Variants in EYA2 observed in about 807,000 individuals in gnomAD.
EYA2 encodes the protein EYA transcriptional coactivator and phosphatase 2.
EYA2 carries 31 observed loss-of-function variants against 69.2 expected under a neutral mutation model. That is an observed-to-expected ratio of 0.45 (90% CI 0.34 to 0.60). The LOEUF is 0.60. Among genes scored for constraint, EYA2 ranks in the 20% least tolerant of loss-of-function variants. EYA2 has a pLI of 0.02. For missense variants in EYA2, 622 were observed against 701.2 expected, an observed-to-expected ratio of 0.89 and a Z score of 1.28; for synonymous variants, 257 against 279.4, an observed-to-expected ratio of 0.92 and a Z score of 0.80.
At chr20:47,144,085 C>T (rs1240421311) in intron 10 of EYA2, among the ~76,000 whole-genome samples, 3 of 152,196 alleles carry the variant, frequency 2.0e-5, no homozygotes, top group African/African-American at 7.2e-5. Context: ...CGGCCGGGCG[C>T]GGTGGCTCAC....
intron 1 of EYA2, among the ~76,000 whole-genome samples, chr20:46,983,163 A>T (rs550706541): frequency 8.0e-5 from 12 of 150,938 alleles, no homozygotes; most frequent in African/African-American, 2.4e-4. Flanking sequence ...GTTGCTAGGG[A>T]CTCCGTGTTT....
chr20:46,930,273 T>C (rs1161463646), intron 1 of EYA2, among the ~76,000 whole-genome samples: 4 of 152,198 alleles, frequency 2.6e-5, no homozygotes, highest in Non-Finnish European at 4.4e-5. Context: ...ACTAAAACTT[T>C]TAAAAAATAA....
At chr20:47,077,696 T>C (rs1410456814) in intron 7 of EYA2, among the ~76,000 whole-genome samples, 1 of 152,218 alleles carries the variant, frequency 6.6e-6, no homozygotes, top group African/African-American at 2.4e-5. Flanking sequence ...TTAAATAAAG[T>C]CAACTTTTTA....
At chr20:47,104,663 C>T (rs1299342526) in intron 9 of EYA2, among the ~76,000 whole-genome samples, 1 of 152,176 alleles carries the variant, frequency 6.6e-6, no homozygotes, top group Non-Finnish European at 1.5e-5. Context: ...ATCAAGTCGT[C>T]CCAGTAGCAT....
At chr20:46,959,229 A>G (rs1165501049) in intron 1 of EYA2, among the ~76,000 whole-genome samples, 1 of 152,216 alleles carries the variant, frequency 6.6e-6, no homozygotes, top group Non-Finnish European at 1.5e-5. Flanking sequence ...CTGAGTCACA[A>G]AGACCTTTCT....
chr20:46,973,872 T>TA (rs573852777), intron 1 of EYA2, among the ~76,000 whole-genome samples: 6 of 152,164 alleles, frequency 3.9e-5, no homozygotes, highest in African/African-American at 1.4e-4. Context: ...AAAACATTTT[T>TA]AAAAAAACTC....
intron 1 of EYA2, among the ~76,000 whole-genome samples, chr20:46,933,483 T>C (rs1221666699): frequency 3.9e-5 from 6 of 152,198 alleles, no homozygotes; most frequent in African/African-American, 1.4e-4. Flanking sequence ...CAGGTTGGTG[T>C]TGGCTCCCAC....
At chr20:46,922,208 T>TG (rs1401880865) in intron 1 of EYA2, among the ~76,000 whole-genome samples, 1 of 151,874 alleles carries the variant, frequency 6.6e-6, no homozygotes, top group Admixed American at 6.6e-5. Context: ...AGGACAGGAG[T>TG]GCTAATTGAT....
intron 5 of EYA2, among the ~76,000 whole-genome samples, chr20:47,049,577 C>G (rs911355343): frequency 7.4e-5 from 11 of 149,084 alleles, no homozygotes; most frequent in Admixed American, 2.0e-4. Flanking sequence ...CTCTCTTGCT[C>G]TGTCTCGTCG....
rs753001111 is a variant in EYA2 at position 47,169,181 on chromosome 20, A to G, written c.1021A>G (p.Asn341Asp). ...IHVDDVSSDDNGQDLSTYNFS... is the reference protein window; with the variant it reads ...IHVDDVSSDDDGQDLSTYNFS... Reference sequence around the variant, plus strand: ...CGTTGATGACGTCTCATCAGATGACAATGGCCAAGATTTAAGGTGGGAATT... The same window carrying G: ...CGTTGATGACGTCTCATCAGATGACGATGGCCAAGATTTAAGGTGGGAATT... Residue 341 changes from asparagine to aspartate, a missense_variant, in exon 11 of 16, where the codon AAT (asparagine) becomes GAT (aspartate). Physicochemically the swap from Asn to Asp is conservative, Grantham distance 23. This residue lies in a region of EYA2 where 257 missense variants were observed against 351.5 expected (regional missense o/e 0.73). Coordinates refer to ENST00000327619, the MANE Select transcript of EYA2 (RefSeq NM_005244.5). 4.3e-6 allele frequency: 7 copies of G among 1,613,892 alleles called. No homozygotes were observed. The highest frequency in any genetic ancestry group is 1.7e-5 in the Admixed American group (1 of 60,008).
chr20:46,937,765 G>A (rs912545176), intron 1 of EYA2, among the ~76,000 whole-genome samples: 5 of 150,778 alleles, frequency 3.3e-5, no homozygotes, highest in African/African-American at 1.2e-4. Flanking sequence ...TTAGCTAACA[G>A]AGGAACTTTT....
chr20:47,058,239 C>A (rs1329457949), intron 5 of EYA2, among the ~76,000 whole-genome samples: 1 of 152,218 alleles, frequency 6.6e-6, no homozygotes, highest in Non-Finnish European at 1.5e-5. Context: ...AGACTAAAGA[C>A]AACGAATGAG....
intron 1 of EYA2, among the ~76,000 whole-genome samples, chr20:46,984,667 G>A (rs1981068907): frequency 6.6e-6 from 1 of 152,216 alleles, no homozygotes; most frequent in Non-Finnish European, 1.5e-5. Context: ...ATGAAGAACA[G>A]TCTGCTAGTA....
rs117533107 is a variant in EYA2, at chr20:46,967,195, T to G, written c.-10-22806T>G. Among the ~76,000 whole-genome samples the G allele has an allele frequency of 1.3e-3, 194 of 152,320 alleles. 6 individuals carry two copies. The East Asian group carries it at 0.026, about 21-fold the overall frequency. ...TGTTTTGTTTTTAGTTGAGATGGGG[T>G]TTCACCATGTTGGTCAGGCTGGTCT... On this transcript the variant is annotated intron_variant, in intron 1 of 15. Transcript: ENST00000327619.
intron 9 of EYA2, among the ~76,000 whole-genome samples, chr20:47,131,601 A>T (rs144842421): frequency 4.4e-4 from 67 of 152,134 alleles, no homozygotes; most frequent in Middle Eastern, 3.4e-3. Flanking sequence ...TATAAAAGGG[A>T]GGGTGGTCAA....
chr20:47,151,320 A>G (rs2033818236), intron 10 of EYA2, among the ~76,000 whole-genome samples: 1 of 151,682 alleles, frequency 6.6e-6, no homozygotes, highest in South Asian at 2.1e-4. Context: ...GCAGTGAGGC[A>G]AGATCACACC....
intron 9 of EYA2, among the ~76,000 whole-genome samples, chr20:47,120,107 C>T (rs1368001468): frequency 6.6e-6 from 1 of 152,304 alleles, no homozygotes; most frequent in South Asian, 2.1e-4. Flanking sequence ...ACTCAGGAGA[C>T]TGAGGCAGAA....
intron 14 of EYA2, 93 bp from the exon 15 acceptor site, chr20:47,183,198 C>T: frequency 2.6e-6 from 3 of 1,170,842 alleles, no homozygotes; most frequent in Non-Finnish European, 2.5e-6. Flanking sequence ...TTTGGGAGCA[C>T]AGCTGCAGGC....
intron 5 of EYA2, among the ~76,000 whole-genome samples, chr20:47,026,829 C>A (rs1221201603): frequency 6.6e-6 from 1 of 152,164 alleles, no homozygotes; most frequent in Non-Finnish European, 1.5e-5. Flanking sequence ...TAGAATGGAT[C>A]CCAAGGAGAC....
Sources: allele counts gnomAD v4.1 joint callset (sites outside exome capture counted in the v4.1 genomes callset), GRCh38; gene constraint gnomAD v4.1.1; regional missense constraint gnomAD v4.1.1; transcripts MANE v1.5; gene names NCBI Gene and HGNC (gene_info 2026-07-23, HGNC 2026-07-21).